Variants in GRIP1 observed in about 807,000 individuals in gnomAD.
GRIP1 encodes glutamate receptor interacting protein 1, also known as glutamate receptor-interacting protein 1.
Under a neutral mutation model 129.9 loss-of-function variants are expected in GRIP1, and 45 were observed. The observed-to-expected ratio is 0.35, with a 90% CI of 0.27 to 0.44. The LOEUF is 0.44. GRIP1 is among the 20% of genes least tolerant of loss of function. The probability of loss-of-function intolerance (pLI) is 1.00; values close to 1 mark genes in which losing one functional copy is unlikely to be tolerated. For missense variants in GRIP1, 1,196 were observed against 1,396.8 expected (o/e 0.86, Z 2.29); for synonymous variants, 530 against 520.8 (o/e 1.02, Z -0.24).
chr12:66,588,194 G>T (rs918086982), intron 2 of GRIP1, among the ~76,000 whole-genome samples: 1 of 151,922 alleles, frequency 6.6e-6, no homozygotes, highest in African/African-American at 2.4e-5. Context: ...AGCCTTCTTG[G>T]CCAATTTTAA....
intron 11 of GRIP1, among the ~76,000 whole-genome samples, chr12:66,455,006 T>C (rs1371564872): frequency 1.3e-5 from 2 of 152,170 alleles, no homozygotes; most frequent in African/African-American, 4.8e-5. Context: ...AAGGGGAGCA[T>C]CGTTTTCACA....
At chr12:66,425,700 T>C (rs1390502984) in intron 14 of GRIP1, among the ~76,000 whole-genome samples, 2 of 152,142 alleles carry the variant, frequency 1.3e-5, no homozygotes, top group Non-Finnish European at 2.9e-5. Flanking sequence ...GAAACCATCA[T>C]TCTCAGCAAA....
chr12:66,477,285 C>T (rs1029734915), intron 7 of GRIP1, among the ~76,000 whole-genome samples: 1 of 151,938 alleles, frequency 6.6e-6, no homozygotes, highest in Non-Finnish European at 1.5e-5. Context: ...ACAATTGCTT[C>T]AAAGAGAATA....
intron 1 of GRIP1, among the ~76,000 whole-genome samples, chr12:67,002,439 G>A (rs11176527): frequency 0.076 from 11,530 of 152,298 alleles, 589 homozygotes; most frequent in Non-Finnish European, 0.11. Flanking sequence ...GAATGCTGGT[G>A]TAGTGCATCA....
chr12:66,384,315 T>C (rs1323154319), intron 19 of GRIP1, among the ~76,000 whole-genome samples: 4 of 152,240 alleles, frequency 2.6e-5, no homozygotes, highest in Admixed American at 6.5e-5. Flanking sequence ...TTTTAATCCA[T>C]AGCTGACTCT....
chr12:66,671,112 T>C (rs2034058719), intron 1 of GRIP1, among the ~76,000 whole-genome samples: 3 of 152,176 alleles, frequency 2.0e-5, no homozygotes, highest in African/African-American at 7.2e-5. Flanking sequence ...CCAGGCAACA[T>C]TATTTTCTTA....
intron 16 of GRIP1, among the ~76,000 whole-genome samples, chr12:66,403,324 G>A (rs762898465): frequency 9.9e-5 from 15 of 151,998 alleles, no homozygotes; most frequent in Non-Finnish European, 1.8e-4. Flanking sequence ...ATCATGTCTG[G>A]TTTTAAAACA....
chr12:66,977,682 CTTGTTTTTCTCA>C (rs2042174016), intron 1 of GRIP1, among the ~76,000 whole-genome samples: 1 of 151,936 alleles, frequency 6.6e-6, no homozygotes, highest in African/African-American at 2.4e-5. Flanking sequence ...TTGTATCTGG[CTTGTTTTTCTCA>C]TTGTTATGTT....
chr12:66,854,658 TAGTA>T (rs1285321459), intron 1 of GRIP1, among the ~76,000 whole-genome samples: 1 of 152,040 alleles, frequency 6.6e-6, no homozygotes, highest in East Asian at 1.9e-4. Context: ...GTAAGTATAA[TAGTA>T]AGACAGGAAT....
intron 1 of GRIP1, among the ~76,000 whole-genome samples, chr12:66,606,110 T>C (rs2064514357): frequency 6.6e-6 from 1 of 152,126 alleles, no homozygotes; most frequent in Admixed American, 6.6e-5. Flanking sequence ...GAAACAATGG[T>C]CCAAAGGATG....
At chr12:66,485,523 C>T (rs1222059838) in intron 7 of GRIP1, among the ~76,000 whole-genome samples, 2 of 151,592 alleles carry the variant, frequency 1.3e-5, no homozygotes, top group Non-Finnish European at 2.9e-5. Flanking sequence ...TACTTTCCTC[C>T]CTCTATGACT....
chr12:67,025,002 T>A (rs1483066201), intron 1 of GRIP1, among the ~76,000 whole-genome samples: 1 of 152,168 alleles, frequency 6.6e-6, no homozygotes, highest in Non-Finnish European at 1.5e-5. Flanking sequence ...TTGAAAGGGC[T>A]CATCTCTACT....
At chr12:66,625,293 T>C (rs1344304562) in intron 1 of GRIP1, among the ~76,000 whole-genome samples, 1 of 152,172 alleles carries the variant, frequency 6.6e-6, no homozygotes, top group Non-Finnish European at 1.5e-5. Context: ...ATGGTATACA[T>C]TATGTTTTCC....
At chr12:66,744,280 A>T (rs1325849504) in intron 1 of GRIP1, among the ~76,000 whole-genome samples, 1 of 152,182 alleles carries the variant, frequency 6.6e-6, no homozygotes, top group East Asian at 1.9e-4. Flanking sequence ...CCTGAAAAAA[A>T]AAGGTTCATT....
intron 1 of GRIP1, among the ~76,000 whole-genome samples, chr12:66,962,420 G>C (rs2041934781): frequency 6.6e-6 from 1 of 152,110 alleles, no homozygotes; most frequent in African/African-American, 2.4e-5. Context: ...GTCTTTTACA[G>C]GCCCTGACTG....
At chr12:66,843,767 T>C (rs533557555) in intron 1 of GRIP1, among the ~76,000 whole-genome samples, 9 of 152,020 alleles carry the variant, frequency 5.9e-5, no homozygotes, top group Admixed American at 2.0e-4. Flanking sequence ...GGAATGAAGC[T>C]GGACTCTTAC....
At position 66,451,383 on chromosome 12, in the gene GRIP1, G is replaced by GTTTTTTTTTTTTTTTTTTTTTT. The variant is rs1169331519; in HGVS notation, c.1354+4004_1354+4025dup. ...CCCCAAAGATTTATTATTATAATCT[G>GTTTTTTTTTTTTTTTTTTTTTT]TTTTTTTTTTTTTTTTTTTTTTTTT... On this transcript the variant is annotated intron_variant, in intron 11 of 24. Transcript: ENST00000359742. 3.5e-4 allele frequency among the ~76,000 whole-genome samples: 15 copies of GTTTTTTTTTTTTTTTTTTTTTT among 42,656 alleles called. 6 individuals carry two copies. Among genetic ancestry groups the GTTTTTTTTTTTTTTTTTTTTTT allele is most frequent in the Non-Finnish European group, 4.2e-4 (10 of 23,900 alleles). The allele number at this position is 42,656 out of a possible 152,430, so 28.0% of individuals were successfully genotyped here. A position where few individuals can be genotyped will look rare whatever the true frequency, so the allele number is the denominator to read the frequency against.
chr12:66,950,407 T>G (rs1189634577), intron 1 of GRIP1, among the ~76,000 whole-genome samples: 1 of 152,174 alleles, frequency 6.6e-6, no homozygotes. Context: ...GTCAAAATAA[T>G]ATTCTTAAAT....
intron 14 of GRIP1, among the ~76,000 whole-genome samples, chr12:66,431,735 T>G (rs890165135): frequency 2.6e-5 from 4 of 152,218 alleles, no homozygotes; most frequent in African/African-American, 7.2e-5. Context: ...GGGACATTTA[T>G]GGATGCATTT....
Sources: allele counts gnomAD v4.1 joint callset (sites outside exome capture counted in the v4.1 genomes callset), GRCh38; gene constraint gnomAD v4.1.1; transcripts MANE v1.5; gene names NCBI Gene and HGNC (gene_info 2026-07-23, HGNC 2026-07-21).